GLRA1: variants seen among roughly 807,000 people sequenced by gnomAD.
GLRA1 encodes the protein glycine receptor alpha 1.
A neutral mutation model predicts 48.3 loss-of-function variants in GLRA1; 37 were observed. The ratio of observed to expected loss-of-function variants is 0.77; its 90% CI spans 0.59 to 1.01. The LOEUF (loss-of-function observed/expected upper bound fraction) is 1.01. Ranked by LOEUF, GLRA1 falls within the 50% of genes least tolerant of loss-of-function variation. The probability of loss-of-function intolerance (pLI) is 0.00; values close to 1 mark genes in which losing one functional copy is unlikely to be tolerated. For synonymous variants in GLRA1, 196 were observed against 210.7 expected (o/e 0.93, Z 0.60); for missense variants, 427 against 571.0 (o/e 0.75, Z 2.57).
At chr5:151,895,940 G>T (rs894591446) in intron 1 of GLRA1, among the ~76,000 whole-genome samples, 1 of 152,020 alleles carries the variant, frequency 6.6e-6, no homozygotes, top group African/African-American at 2.4e-5. Flanking sequence ...ATAAGCTCCC[G>T]TACTCTCTCC....
At chr5:151,859,157 T>A (rs1421392357) in intron 4 of GLRA1, among the ~76,000 whole-genome samples, 3 of 152,234 alleles carry the variant, frequency 2.0e-5, no homozygotes, top group Non-Finnish European at 4.4e-5. Context: ...TTATTACATG[T>A]GTAAGGACAT....
chr5:151,920,021 T>C (rs1267639312), intron 1 of GLRA1, among the ~76,000 whole-genome samples: 1 of 152,258 alleles, frequency 6.6e-6, no homozygotes, highest in Non-Finnish European at 1.5e-5. Context: ...GATTTTAATG[T>C]ACCTTTAAAG....
In GLRA1 at chr5:151,822,540, T is replaced by C. The variant is rs898303150; in HGVS notation, c.*133A>G. ...AAATTCATGCATCACTGCATTTTGC[T>C]ATTGCACATATTGCAGAGAGAGTTG... On this transcript the variant is annotated 3_prime_UTR_variant, in exon 9 of 9. Transcript: ENST00000274576. The C allele has an allele frequency of 1.4e-6, 1 of 716,232 alleles. No homozygotes were observed. The highest frequency in any genetic ancestry group is 2.6e-6 in the Non-Finnish European group (1 of 391,606). 44.4% of individuals were successfully genotyped at this position (716,232 alleles called of 1,614,324 possible). A position where few individuals can be genotyped will look rare whatever the true frequency, so the allele number is the denominator to read the frequency against.
rs76018032 is a variant in GLRA1, at chr5:151,854,489, G to A, written c.697+551C>T. 1.4e-3 allele frequency among the ~76,000 whole-genome samples: 217 copies of A among 152,264 alleles called. 1 individual carries two copies. Among genetic ancestry groups the A allele is most frequent in the Non-Finnish European group, 2.5e-3 (172 of 68,024 alleles). ...TTGTTCTCAGCCTGAGACAGGATAC[G>A]CAAAGCCAGTCTTGATCTGGCCCCA... On this transcript the variant is annotated intron_variant, in intron 6 of 8. Coordinates refer to ENST00000274576, the MANE Select transcript of GLRA1 (RefSeq NM_000171.4).
chr5:151,823,137 A>G (rs1367772292), intron 8 of GLRA1, 174 bp from the exon 9 acceptor site: 3 of 606,120 alleles, frequency 4.9e-6, no homozygotes, highest in African/African-American at 1.8e-5. Context: ...TCTGCCTTAT[A>G]GAGGGGCGCC....
intron 7 of GLRA1, among the ~76,000 whole-genome samples, chr5:151,846,400 A>G (rs1359746272): frequency 6.6e-6 from 1 of 152,236 alleles, no homozygotes; most frequent in African/African-American, 2.4e-5. Context: ...ACATAAGGAA[A>G]AGAAAGCAGA....
At chr5:151,835,073 T>C (rs1452258465) in intron 7 of GLRA1, among the ~76,000 whole-genome samples, 1 of 107,892 alleles carries the variant, frequency 9.3e-6, no homozygotes, top group Admixed American at 8.6e-5. Flanking sequence ...ATAGACACGA[T>C]AAAAATGATA....
chr5:151,884,176 C>T (rs1346919065), intron 3 of GLRA1, among the ~76,000 whole-genome samples: 2 of 152,148 alleles, frequency 1.3e-5, no homozygotes, highest in Admixed American at 6.5e-5. Context: ...CGTCTGTAAT[C>T]CCAACACTTT....
intron 1 of GLRA1, among the ~76,000 whole-genome samples, chr5:151,923,420 ATGACTGT>A (rs1388025902): frequency 2.0e-5 from 3 of 152,220 alleles, no homozygotes; most frequent in Non-Finnish European, 2.9e-5. Flanking sequence ...GGTTTTTCAA[ATGACTGT>A]TAATCCAATG....
intron 6 of GLRA1, among the ~76,000 whole-genome samples, chr5:151,853,023 A>G (rs1326001380): frequency 1.3e-5 from 2 of 152,208 alleles, no homozygotes; most frequent in African/African-American, 2.4e-5. Context: ...TCTCACTTAT[A>G]TGTGGAATCT....
intron 1 of GLRA1, among the ~76,000 whole-genome samples, chr5:151,921,981 T>A (rs1754886952): frequency 6.6e-6 from 1 of 152,226 alleles, no homozygotes; most frequent in Non-Finnish European, 1.5e-5. Flanking sequence ...CCATATGGGA[T>A]TTCCGCCTCA....
intron 1 of GLRA1, among the ~76,000 whole-genome samples, chr5:151,896,676 C>T (rs762531643): frequency 6.6e-6 from 1 of 152,222 alleles, no homozygotes; most frequent in South Asian, 2.1e-4. Context: ...CCTGATATCA[C>T]TTTCACAATT....
intron 4 of GLRA1, among the ~76,000 whole-genome samples, chr5:151,856,894 A>T (rs188714185): frequency 1.1e-3 from 169 of 152,380 alleles, no homozygotes; most frequent in Middle Eastern, 0.01. Flanking sequence ...ACACAAATAA[A>T]GGAATTTAGC....
chr5:151,916,351 C>G (rs751205952), intron 1 of GLRA1, among the ~76,000 whole-genome samples: 17 of 152,200 alleles, frequency 1.1e-4, no homozygotes, highest in Non-Finnish European at 1.9e-4. Context: ...GCAAATCTGC[C>G]TGGCAGCCAG....
At chr5:151,881,895 TCTGGAGAACAAACACAGC>T (rs1753773554) in intron 3 of GLRA1, among the ~76,000 whole-genome samples, 1 of 152,206 alleles carries the variant, frequency 6.6e-6, no homozygotes, top group Non-Finnish European at 1.5e-5. Context: ...TCCTGCTTTT[TCTGGAGAACAAACACAGC>T]CTGGAAAGTT....
intron 7 of GLRA1, chr5:151,849,952 C>T: frequency 1.3e-6 from 2 of 1,580,290 alleles, no homozygotes; most frequent in African/African-American, 1.3e-5. Context: ...TCAGTAAGGA[C>T]CCTACAAGCT....
At chr5:151,855,542 G>A (rs1396867187) in intron 5 of GLRA1, among the ~76,000 whole-genome samples, 1 of 152,120 alleles carries the variant, frequency 6.6e-6, no homozygotes, top group Non-Finnish European at 1.5e-5. Context: ...CGCTCTCTTG[G>A]TGGGACTAAC....
chr5:151,884,345 C>T (rs1480713055), intron 3 of GLRA1, among the ~76,000 whole-genome samples: 1 of 152,134 alleles, frequency 6.6e-6, no homozygotes, highest in Non-Finnish European at 1.5e-5. Flanking sequence ...ACAAGAATTG[C>T]TTGAACCCAG....
At chr5:151,853,253 T>G (rs1486458989) in intron 6 of GLRA1, among the ~76,000 whole-genome samples, 2 of 152,080 alleles carry the variant, frequency 1.3e-5, no homozygotes, top group African/African-American at 4.8e-5. Flanking sequence ...TACTTATTTT[T>G]TTTTCTTTTT....
Sources: gnomAD v4.1 joint callset for allele counts (sites outside exome capture counted in the v4.1 genomes callset) on GRCh38, gnomAD v4.1.1 for gene constraint, MANE v1.5 for transcripts, NCBI Gene and HGNC (gene_info 2026-07-23, HGNC 2026-07-21) for gene names.